EFNB2: variants seen among roughly 807,000 people sequenced by gnomAD.
The protein encoded by EFNB2 is ephrin-B2.
A neutral mutation model predicts 32.1 loss-of-function variants in EFNB2; 5 were observed. The observed-to-expected ratio is 0.16, with a 90% CI of 0.08 to 0.33. The LOEUF is 0.33. Among genes scored for constraint, EFNB2 ranks in the 10% least tolerant of loss-of-function variants. The pLI is 1.00. For missense variants in EFNB2, 263 were observed against 422.6 expected (o/e 0.62, Z 3.31); for synonymous variants, 168 against 166.5 (o/e 1.01, Z -0.07).
rs11432728 is a variant in EFNB2 at position 106,528,478 on chromosome 13, A to AC, written c.122+6364_122+6365insG. ...GGCCCTATGCTGCTCTTTAAAAAAA[A>AC]AAAACAACAACAACAACAAAAAAAC... On this transcript the variant is annotated intron_variant, in intron 1 of 4. Transcript: ENST00000646441. Among the ~76,000 whole-genome samples the AC allele has an allele frequency of 6.9e-3, 1,046 of 152,128 alleles. 12 individuals carry two copies. Among genetic ancestry groups the AC allele is most frequent in the African/African-American group, 0.024 (1,002 of 41,506 alleles).
chr13:106,525,611 A>C (rs1879673879), intron 1 of EFNB2, among the ~76,000 whole-genome samples: 1 of 152,124 alleles, frequency 6.6e-6, no homozygotes, highest in Non-Finnish European at 1.5e-5. Flanking sequence ...GACTTTGCTT[A>C]GAGATGCCCA....
rs1026606481 is a variant in EFNB2, at chr13:106,492,779, C to T, written c.*261G>A. On this transcript the variant is annotated 3_prime_UTR_variant, in exon 5 of 5. Coordinates refer to ENST00000646441, the MANE Select transcript of EFNB2 (RefSeq NM_004093.4). The surrounding 1 kb of genome is among the most constrained non-coding windows in gnomAD (Gnocchi z 5.1). ...GCAGCACATGGCTTCGAGGAGGAGACGTGGGACGCGGCACAGCAGTCCGAA... is the reference window on the plus strand; with the variant it reads ...GCAGCACATGGCTTCGAGGAGGAGATGTGGGACGCGGCACAGCAGTCCGAA... 10 of 395,330 alleles carry T rather than the reference C, an allele frequency of 2.5e-5. 1 individual carries two copies. Among genetic ancestry groups the T allele is most frequent in the South Asian group, 5.3e-5 (1 of 18,698 alleles). The allele number at this position is 395,330 out of a possible 1,614,324, so 24.5% of individuals were successfully genotyped here.
chr13:106,502,840 G>A (rs925123113), intron 2 of EFNB2, among the ~76,000 whole-genome samples: 5 of 77,836 alleles, frequency 6.4e-5, no homozygotes, highest in East Asian at 2.7e-4. Flanking sequence ...GTGAAAAGAC[G>A]GAAGAGCAGA....
intron 2 of EFNB2, among the ~76,000 whole-genome samples, chr13:106,497,553 T>C (rs536464353): frequency 6.6e-6 from 1 of 152,078 alleles, no homozygotes; most frequent in Non-Finnish European, 1.5e-5. Context: ...AATTTTTTTT[T>C]ATTATACTTT....
intron 1 of EFNB2, among the ~76,000 whole-genome samples, chr13:106,522,759 T>A (rs1879567395): frequency 6.6e-6 from 1 of 152,136 alleles, no homozygotes; most frequent in Admixed American, 6.6e-5. Flanking sequence ...ATGAAACCTT[T>A]CCCTTTTGGT....
In EFNB2 at chr13:106,490,696, T is replaced by C. The variant is rs971673128; in HGVS notation, c.*2344A>G. ...TTGGGGTGATGGAAAGAATTACATA[T>C]GTACTGTGGCTGGTTACCATGGCAA... On this transcript the variant is annotated 3_prime_UTR_variant, in exon 5 of 5. Transcript: ENST00000646441. The C allele has an allele frequency of 1.3e-5, 2 of 152,024 alleles. No individual in the cohort carries two copies. Among genetic ancestry groups the C allele is most frequent in the South Asian group, 2.1e-4 (1 of 4,814 alleles). 9.4% of individuals were successfully genotyped at this position (152,024 alleles called of 1,614,324 possible).
chr13:106,530,551 G>A (rs532163509), intron 1 of EFNB2, among the ~76,000 whole-genome samples: 364 of 152,218 alleles, frequency 2.4e-3, no homozygotes, highest in Non-Finnish European at 3.9e-3. Flanking sequence ...ACTTCTATTT[G>A]TCTAATTTGC....
Position 106,533,355 on chromosome 13 carries a change from C to G in EFNB2, c.122+1488G>C, listed in dbSNP as rs191239582. 3.5e-4 allele frequency among the ~76,000 whole-genome samples: 54 copies of G among 152,270 alleles called. 2 individuals carry two copies. The East Asian group carries it at 6.8e-3, about 19-fold the overall frequency. ...CTCCTTCCGGCACCACCTGGCGCCTCCCGAGCCGGCATCGATGCAAAGATG... is the reference window on the plus strand; with the variant it reads ...CTCCTTCCGGCACCACCTGGCGCCTGCCGAGCCGGCATCGATGCAAAGATG... On this transcript the variant is annotated intron_variant, in intron 1 of 4. Coordinates refer to ENST00000646441, the MANE Select transcript of EFNB2 (RefSeq NM_004093.4).
chr13:106,534,807 G>A, intron 1 of EFNB2, 36 bp downstream of exon 1: 3 of 1,589,108 alleles, frequency 1.9e-6, no homozygotes, highest in Non-Finnish European at 2.6e-6. Flanking sequence ...GCGGACCCCG[G>A]GGCGGGGACA....
intron 3 of EFNB2, among the ~76,000 whole-genome samples, chr13:106,495,502 C>CTAT (rs752449960): frequency 2.8e-3 from 205 of 72,920 alleles, no homozygotes; most frequent in South Asian, 0.023. Flanking sequence ...TATCTATTAT[C>CTAT]TATCTATCTA....
At position 106,535,029 on chromosome 13, in the gene EFNB2, A is replaced by AC. The variant is rs1229210562; in HGVS notation, c.-66dup. The AC allele has an allele frequency of 3.4e-5, 54 of 1,595,318 alleles. No homozygotes were observed. Among genetic ancestry groups the AC allele is most frequent in the Non-Finnish European group, 4.4e-5 (52 of 1,171,912 alleles). ...AGGGACTGACGGGACGCAGGCTGGG[A>AC]CCCCCAATCCTCCGGGGCAGACTGG... On this transcript the variant is annotated 5_prime_UTR_variant, in exon 1 of 5. Transcript: ENST00000646441.
rs11843573 is a variant in EFNB2, at chr13:106,527,556, T to C, written c.122+7287A>G. Among the ~76,000 whole-genome samples, 1,470 of 152,348 alleles carry C rather than the reference T, an allele frequency of 9.6e-3. 20 individuals carry two copies. The highest frequency in any genetic ancestry group is 0.032 in the African/African-American group (1,339 of 41,582). On this transcript the variant is annotated intron_variant, in intron 1 of 4. Transcript: ENST00000646441. ...TTCTTATTTGAAATCAGCAAGTATG[T>C]GCTTACCAGCCACAGAATGCTTTGG... is the stretch of plus-strand genomic sequence containing the variant.
At chr13:106,498,699 A>AATTG (rs1878673746) in intron 2 of EFNB2, among the ~76,000 whole-genome samples, 1 of 152,144 alleles carries the variant, frequency 6.6e-6, no homozygotes, top group East Asian at 1.9e-4. Flanking sequence ...GGAAACATTC[A>AATTG]AGTCTTAGAG....
chr13:106,526,817 G>A (rs1879716110), intron 1 of EFNB2, among the ~76,000 whole-genome samples: 1 of 152,192 alleles, frequency 6.6e-6, no homozygotes, highest in East Asian at 1.9e-4. Context: ...TGTGGAAAGA[G>A]CAAGGATTAT....
chr13:106,535,573 GC>G lies in EFNB2; in HGVS notation c.-610del, dbSNP rs1880054719. ...CGCCGCGGGCTCCGGACGCGCGCGG[GC>G]CTTTGTGTGCGGGGAGGGCGCCGGG... On this transcript the variant is annotated 5_prime_UTR_variant, in exon 1 of 5. Transcript: ENST00000646441. The G allele has an allele frequency of 2.0e-5, 3 of 150,604 alleles. No homozygotes were observed. In the South Asian group the frequency reaches 6.2e-4, roughly 31 times the overall value. 9.3% of individuals were successfully genotyped at this position (150,604 alleles called of 1,614,324 possible). A position where few individuals can be genotyped will look rare whatever the true frequency, so the allele number is the denominator to read the frequency against.
At chr13:106,497,893 A>G (rs1001197082) in intron 2 of EFNB2, among the ~76,000 whole-genome samples, 1 of 152,166 alleles carries the variant, frequency 6.6e-6, no homozygotes, top group African/African-American at 2.4e-5. Context: ...ATTGTTGAGA[A>G]TTTTCCTATT....
At chr13:106,533,443 G>A (rs1879950766) in intron 1 of EFNB2, among the ~76,000 whole-genome samples, 2 of 152,246 alleles carry the variant, frequency 1.3e-5, no homozygotes, top group Non-Finnish European at 2.9e-5. Flanking sequence ...CCATGCAAGA[G>A]CAGACTACAT....
intron 1 of EFNB2, among the ~76,000 whole-genome samples, chr13:106,523,032 G>C (rs1450489019): frequency 2.0e-5 from 3 of 152,196 alleles, no homozygotes; most frequent in African/African-American, 7.2e-5. Flanking sequence ...AAGGCTGTGT[G>C]CAATTGCTTT....
intron 2 of EFNB2, 51 bp from the exon 3 acceptor site, chr13:106,495,891 A>G: frequency 6.5e-7 from 1 of 1,527,352 alleles, no homozygotes; most frequent in Non-Finnish European, 9.0e-7. Context: ...AAATCAGGAA[A>G]TCAATAAGCC....
Sources: allele counts gnomAD v4.1 joint callset (sites outside exome capture counted in the v4.1 genomes callset), GRCh38; gene constraint gnomAD v4.1.1; non-coding constraint Gnocchi (gnomAD v3.1); transcripts MANE v1.5; gene names NCBI Gene and HGNC (gene_info 2026-07-23, HGNC 2026-07-21).